The following CNTN3 variants were observed in gnomAD, a reference collection of about 807,000 sequenced individuals.
CNTN3 encodes the protein contactin-3.
In CNTN3, 60 loss-of-function variants were observed where a neutral mutation model predicts 119.1. The observed-to-expected ratio is 0.50, with a 90% CI of 0.41 to 0.62. The LOEUF (loss-of-function observed/expected upper bound fraction) is 0.62. CNTN3 is among the 20% of genes least tolerant of loss of function. The probability of loss-of-function intolerance (pLI) is 0.00; values close to 1 mark genes in which losing one functional copy is unlikely to be tolerated. For missense variants in CNTN3, 1,101 were observed against 1,242.4 expected, an observed-to-expected ratio of 0.89 and a Z score of 1.71; for synonymous variants, 450 against 438.7, an observed-to-expected ratio of 1.03 and a Z score of -0.32.
intron 1 of CNTN3, among the ~76,000 whole-genome samples, chr3:74,576,861 C>A (rs977779716): frequency 6.6e-6 from 1 of 151,980 alleles, no homozygotes; most frequent in Non-Finnish European, 1.5e-5. Context: ...TGGAAACATA[C>A]AATATTTATA....
At chr3:74,612,376 T>C (rs959716506) in intron 1 of CNTN3, among the ~76,000 whole-genome samples, 1 of 152,230 alleles carries the variant, frequency 6.6e-6, no homozygotes, top group African/African-American at 2.4e-5. Flanking sequence ...TTTGCTCCTA[T>C]TAAATGCTTT....
intron 2 of CNTN3, among the ~76,000 whole-genome samples, chr3:74,513,754 T>C (rs1409692818): frequency 2.6e-5 from 4 of 152,056 alleles, no homozygotes; most frequent in African/African-American, 4.8e-5. Context: ...ACTGTCCTTG[T>C]AGTTAAGAGG....
intron 5 of CNTN3, among the ~76,000 whole-genome samples, chr3:74,384,079 T>C (rs965237979): frequency 3.3e-5 from 5 of 152,248 alleles, no homozygotes. Context: ...CTAAATATGA[T>C]GGTTCTATTT....
chr3:74,519,037 G>A (rs1293470193), intron 2 of CNTN3, among the ~76,000 whole-genome samples: 1 of 151,748 alleles, frequency 6.6e-6, no homozygotes, highest in African/African-American at 2.4e-5. Context: ...CATATAGTAT[G>A]ATCTGTAGTC....
rs142429725 is a variant in CNTN3 at position 74,411,314 on chromosome 3, G to A, written c.454+13531C>T. ...ATTTTCACAAACCTTTAGAGCACTC[G>A]GCAGAGGATATTTTGAAAATTACTG... On this transcript the variant is annotated intron_variant, in intron 5 of 22. Coordinates refer to ENST00000263665, the MANE Select transcript of CNTN3 (RefSeq NM_020872.3). 4.6e-3 allele frequency among the ~76,000 whole-genome samples: 694 copies of A among 152,150 alleles called. 3 individuals carry two copies. The highest frequency in any genetic ancestry group is 0.015 in the African/African-American group (611 of 41,520).
intron 4 of CNTN3, among the ~76,000 whole-genome samples, chr3:74,437,306 CA>C (rs562160147): frequency 2.2e-3 from 332 of 151,902 alleles, no homozygotes; most frequent in Middle Eastern, 0.01. Flanking sequence ...ACTAAAAATA[CA>C]AAAAATTAGC....
intron 4 of CNTN3, among the ~76,000 whole-genome samples, chr3:74,482,714 T>C (rs1385830535): frequency 2.6e-5 from 4 of 152,058 alleles, no homozygotes; most frequent in East Asian, 3.9e-4. Context: ...CACAGCTAAA[T>C]TGAACAATTA....
chr3:74,602,731 TG>T (rs1428325809), intron 1 of CNTN3, among the ~76,000 whole-genome samples: 1 of 152,122 alleles, frequency 6.6e-6, no homozygotes, highest in African/African-American at 2.4e-5. Context: ...ACTATACTAC[TG>T]TTTGTAAGCA....
chr3:74,587,971 C>G (rs1704625851), intron 1 of CNTN3, among the ~76,000 whole-genome samples: 1 of 152,206 alleles, frequency 6.6e-6, no homozygotes, highest in African/African-American at 2.4e-5. Flanking sequence ...TACGTCCCAT[C>G]AATACCTAAT....
At chr3:74,325,544 G>T (rs764477864) in intron 13 of CNTN3, among the ~76,000 whole-genome samples, 2 of 152,076 alleles carry the variant, frequency 1.3e-5, no homozygotes, top group Non-Finnish European at 2.9e-5. Context: ...GTGCAGAAAA[G>T]AATATGGGGA....
At chr3:74,409,731 C>T (rs749945157) in intron 5 of CNTN3, among the ~76,000 whole-genome samples, 1 of 152,060 alleles carries the variant, frequency 6.6e-6, no homozygotes. Flanking sequence ...TGTTTAATGC[C>T]ATTTTCTTTG....
chr3:74,408,910 C>T (rs537081959), intron 5 of CNTN3, among the ~76,000 whole-genome samples: 3 of 152,294 alleles, frequency 2.0e-5, no homozygotes, highest in East Asian at 3.9e-4. Flanking sequence ...AACTAACATA[C>T]AGTAAAATTG....
intron 1 of CNTN3, among the ~76,000 whole-genome samples, chr3:74,552,416 T>C (rs1487797709): frequency 6.6e-6 from 1 of 152,210 alleles, no homozygotes; most frequent in Non-Finnish European, 1.5e-5. Context: ...CATTGCCACC[T>C]AGCAATGAGT....
intron 8 of CNTN3, 87 bp downstream of exon 8, chr3:74,369,102 A>G: frequency 2.0e-6 from 2 of 988,426 alleles, no homozygotes; most frequent in African/African-American, 3.4e-5. Context: ...GGATTCTGCT[A>G]TAATCTCTCA....
chr3:74,321,477 T>C (rs550209748), intron 13 of CNTN3, among the ~76,000 whole-genome samples: 2 of 152,050 alleles, frequency 1.3e-5, no homozygotes, highest in Admixed American at 6.5e-5. Flanking sequence ...CCAAAACCAA[T>C]AATCTAAGCT....
rs1044648476 is a variant in CNTN3 at position 74,580,161 on chromosome 3, T to G, written c.-81+34230A>C. Among the ~76,000 whole-genome samples the G allele has an allele frequency of 1.6e-4, 24 of 152,204 alleles. 1 individual carries two copies. The highest frequency in any genetic ancestry group is 4.8e-4 in the African/African-American group (20 of 41,544). On this transcript the variant is annotated intron_variant, in intron 1 of 22. Coordinates refer to ENST00000263665, the MANE Select transcript of CNTN3 (RefSeq NM_020872.3). ...CACGACATTTGATATAAAGAACAAA[T>G]TACTTCAAAGACACAATTATCACAG...
At chr3:74,488,134 CAG>C (rs1382222184) in intron 3 of CNTN3, among the ~76,000 whole-genome samples, 3 of 151,398 alleles carry the variant, frequency 2.0e-5, no homozygotes, top group African/African-American at 7.3e-5. Flanking sequence ...TTGTTTGAGA[CAG>C]AGTCTCCCTC....
intron 3 of CNTN3, among the ~76,000 whole-genome samples, chr3:74,489,209 T>C (rs1259165769): frequency 6.6e-6 from 1 of 152,120 alleles, no homozygotes; most frequent in African/African-American, 2.4e-5. Context: ...CCATATCTAC[T>C]GAGTCAGAAT....
chr3:74,317,793 G>T (rs1468517261), intron 13 of CNTN3, among the ~76,000 whole-genome samples: 1 of 152,054 alleles, frequency 6.6e-6, no homozygotes, highest in Non-Finnish European at 1.5e-5. Flanking sequence ...TTTCAACTTT[G>T]GTGACTCTGA....
Sources: gnomAD v4.1 joint callset for allele counts (sites outside exome capture counted in the v4.1 genomes callset) on GRCh38, gnomAD v4.1.1 for gene constraint, MANE v1.5 for transcripts, NCBI Gene and HGNC (gene_info 2026-07-23, HGNC 2026-07-21) for gene names.